LRRK2: variants seen among roughly 807,000 people sequenced by gnomAD.
The protein encoded by LRRK2 is leucine rich repeat kinase 2.
Under a neutral mutation model 302.6 loss-of-function variants are expected in LRRK2, and 203 were observed. That is an observed-to-expected ratio of 0.67 (90% confidence interval 0.60 to 0.75). The LOEUF is 0.75. Ranked by LOEUF, LRRK2 falls within the 30% of genes least tolerant of loss-of-function variation. The pLI is 0.00. For missense variants in LRRK2, 2,830 were observed against 2,951.0 expected (o/e 0.96, Z 0.95); for synonymous variants, 1,066 against 1,031.9 (o/e 1.03, Z -0.63).
intron 18 of LRRK2, among the ~76,000 whole-genome samples, chr12:40,283,501 AG>A (rs1417761303): frequency 6.6e-6 from 1 of 152,234 alleles, no homozygotes; most frequent in Non-Finnish European, 1.5e-5. Context: ...TACTGTGTTA[AG>A]GTACTGGTTT....
chr12:40,251,579 C>T (rs770155733), intron 10 of LRRK2, 35 bp downstream of exon 10: 18 of 1,522,528 alleles, frequency 1.2e-5, no homozygotes, highest in Admixed American at 1.7e-5. Flanking sequence ...TAGAAAATTT[C>T]AGTTATATTT....
In LRRK2 at chr12:40,310,494, C is replaced by A. The variant is rs898118986; in HGVS notation, c.4381C>A (p.Gln1461Lys). 1.9e-6 allele frequency: 3 copies of A among 1,612,810 alleles called. No individual in the cohort carries two copies. The highest frequency in any genetic ancestry group is 2.5e-6 in the Non-Finnish European group (3 of 1,179,758). Residue 1461 changes from glutamine (Q) to lysine (K), a missense_variant, in exon 31 of 51, where the codon CAA becomes AAA. By Grantham distance (53) the Gln-to-Lys change is moderately conservative. This residue lies in a region of LRRK2 where 2,121 missense variants were observed against 2,148.0 expected (regional missense o/e 0.99). Transcript: ENST00000298910. ...GTHLDVSDEKQRKACMSKITK... is the reference protein window; with the variant it reads ...GTHLDVSDEKKRKACMSKITK... ...ACATTTGGATGTTTCTGATGAGAAG[C>A]AACGCAAAGCCTGCATGAGTAAAAT...
At chr12:40,266,454 A>G (rs1565694446) in intron 14 of LRRK2, among the ~76,000 whole-genome samples, 2 of 152,238 alleles carry the variant, frequency 1.3e-5, no homozygotes, top group Non-Finnish European at 2.9e-5. Context: ...ACAATGATAT[A>G]CCATCTCACA....
rs199831201 is a variant in LRRK2 at position 40,308,537 on chromosome 12, G to A, written c.4030G>A (p.Gly1344Arg). 1.2e-6 allele frequency: 2 copies of A among 1,613,832 alleles called. No individual in the cohort carries two copies. Among genetic ancestry groups the A allele is most frequent in the Non-Finnish European group, 1.7e-6 (2 of 1,179,956 alleles). Residue 1344 changes from glycine to arginine, a missense_variant, in exon 29 of 51, where the codon GGG becomes AGG. Physicochemically the swap from Gly to Arg is moderately radical, Grantham distance 125. Transcript: ENST00000298910. ...GAAACTTATGATTGTGGGAAATACT[G>A]GGAGTGGTAAAACCACCTTATTGCA... The part of the protein sequence containing the change: ...RMKLMIVGNT[G>R]SGKTTLLQQL...
intron 38 of LRRK2, among the ~76,000 whole-genome samples, chr12:40,326,899 A>G (rs1343829957): frequency 2.0e-5 from 3 of 152,370 alleles, no homozygotes; most frequent in South Asian, 4.1e-4. Flanking sequence ...AATACAAGAC[A>G]TGCTCAAATA....
intron 7 of LRRK2, among the ~76,000 whole-genome samples, chr12:40,246,255 T>C (rs959759841): frequency 6.6e-6 from 1 of 151,886 alleles, no homozygotes; most frequent in South Asian, 2.1e-4. Context: ...ATGTAGTAAG[T>C]CTTTTTTTTC....
chr12:40,241,189 C>T (rs11564153), intron 6 of LRRK2, among the ~76,000 whole-genome samples: 5,187 of 152,230 alleles, frequency 0.034, 235 homozygotes, highest in South Asian at 0.12. Flanking sequence ...TGCACATCCC[C>T]AAATATCCTA....
At chr12:40,267,172 C>T (rs1476051069) in intron 14 of LRRK2, among the ~76,000 whole-genome samples, 3 of 152,158 alleles carry the variant, frequency 2.0e-5, no homozygotes, top group African/African-American at 7.2e-5. Context: ...GGGCAATTCC[C>T]TACTGGAGAT....
chr12:40,291,431 A>T (rs984713447), intron 20 of LRRK2, among the ~76,000 whole-genome samples: 1 of 146,340 alleles, frequency 6.8e-6, no homozygotes, highest in African/African-American at 2.5e-5. Context: ...AGTATAATAA[A>T]ATATATATAT....
chr12:40,287,319 T>G (rs754722786), intron 19 of LRRK2, 32 bp from the exon 20 acceptor site: 1 of 1,588,172 alleles, frequency 6.3e-7, no homozygotes, highest in South Asian at 1.1e-5. Flanking sequence ...AATTGTTGAT[T>G]TCTAAGTTGC....
intron 20 of LRRK2, among the ~76,000 whole-genome samples, chr12:40,288,100 A>G (rs1232635933): frequency 2.0e-5 from 3 of 151,854 alleles, no homozygotes; most frequent in Non-Finnish European, 4.4e-5. Context: ...GCAGTTTGGT[A>G]AAAATGGAGT....
chr12:40,282,962 G>C (rs565445385), intron 18 of LRRK2, among the ~76,000 whole-genome samples: 3 of 152,208 alleles, frequency 2.0e-5, no homozygotes, highest in African/African-American at 7.2e-5. Flanking sequence ...TTGCTTGCTA[G>C]CTGTAAGGGA....
rs542623505 is a variant in LRRK2 at position 40,256,078 on chromosome 12, G to A, written c.1289-1170G>A. ...ATGTTGGAACTGATATTTTTATAGC[G>A]GCTTCAAGACAATTGATATTTATGT... On this transcript the variant is annotated intron_variant, in intron 11 of 50. Transcript: ENST00000298910. Among the ~76,000 whole-genome samples, 150 of 152,168 alleles carry A rather than the reference G, an allele frequency of 9.9e-4. 2 individuals carry two copies. The highest frequency in any genetic ancestry group is 3.4e-3 in the Middle Eastern group (1 of 294).
chr12:40,326,786 G>A (rs933754299), intron 38 of LRRK2, among the ~76,000 whole-genome samples: 12 of 152,028 alleles, frequency 7.9e-5, no homozygotes, highest in Admixed American at 7.2e-4. Flanking sequence ...CCTAACTAAT[G>A]GTTTTTAAAA....
In LRRK2 at chr12:40,351,673, G is replaced by A. The variant is rs1565773142; in HGVS notation, c.6516G>A (p.Gly2172=). ...SRNASIWLGC[G]HTDRGQLSFL... ...ATGCAAGCATTTGGCTGGGCTGTGG[G>A]CACACCGACAGAGGACAGCTCTCAT... Residue 2172 remains glycine (G), a synonymous_variant, in exon 44 of 51, where the codon GGG becomes GGA. Coordinates refer to ENST00000298910, the MANE Select transcript of LRRK2 (RefSeq NM_198578.4). 1.9e-6 allele frequency: 3 copies of A among 1,614,136 alleles called. No homozygotes were observed. Among genetic ancestry groups the A allele is most frequent in the East Asian group, 2.2e-5 (1 of 44,884 alleles).
chr12:40,288,877 T>C (rs895432600), intron 20 of LRRK2, among the ~76,000 whole-genome samples: 1 of 151,934 alleles, frequency 6.6e-6, no homozygotes, highest in South Asian at 2.1e-4. Flanking sequence ...ATTTTACTAA[T>C]TCTATTTTTA....
chr12:40,234,665 C>T lies in LRRK2; in HGVS notation c.348-961C>T, dbSNP rs113574761. 4.5e-3 allele frequency among the ~76,000 whole-genome samples: 679 copies of T among 152,152 alleles called. 3 individuals are homozygous for T. The highest frequency in any genetic ancestry group is 7.1e-3 in the Non-Finnish European group (484 of 68,006). On this transcript the variant is annotated intron_variant, in intron 3 of 50. Coordinates refer to ENST00000298910, the MANE Select transcript of LRRK2 (RefSeq NM_198578.4). ...GTGCTGAGATTACAGGCGTGAGCAA[C>T]GGCCACCGGCCCACTACTTTTTAAT...
chr12:40,239,055 G>A (rs766013124), intron 5 of LRRK2, among the ~76,000 whole-genome samples: 1 of 152,146 alleles, frequency 6.6e-6, no homozygotes, highest in Non-Finnish European at 1.5e-5. Context: ...AAGAAAAGAG[G>A]TAAATATCAG....
chr12:40,361,120 G>T (rs1433302093), intron 47 of LRRK2, among the ~76,000 whole-genome samples: 1 of 152,026 alleles, frequency 6.6e-6, no homozygotes, highest in Non-Finnish European at 1.5e-5. Context: ...TTAAGCCTGG[G>T]ATGGGGATCA....
Sources: allele counts gnomAD v4.1 joint callset (sites outside exome capture counted in the v4.1 genomes callset), GRCh38; gene constraint gnomAD v4.1.1; regional missense constraint gnomAD v4.1.1; transcripts MANE v1.5; gene names NCBI Gene and HGNC (gene_info 2026-07-23, HGNC 2026-07-21).